DCDC1: variants seen among roughly 807,000 people sequenced by gnomAD.
DCDC1 encodes doublecortin domain containing 1, also known as doublecortin domain-containing protein 1.
Under a neutral mutation model 178.3 loss-of-function variants are expected in DCDC1, and 200 were observed. The ratio of observed to expected loss-of-function variants is 1.12; its 90% CI spans 1.00 to 1.26. The LOEUF (loss-of-function observed/expected upper bound fraction) is 1.26, where lower values mean the gene tolerates loss of function less well. Among genes scored for constraint, DCDC1 ranks in the 50% most tolerant of loss-of-function variants. The pLI, the probability that DCDC1 is intolerant of heterozygous loss-of-function variation, is 0.00. For synonymous variants in DCDC1, 690 were observed against 604.8 expected (o/e 1.14, Z -2.07); for missense variants, 1,983 against 1,749.2 (o/e 1.13, Z -2.38).
At chr11:30,998,252 A>G (rs992484365) in intron 20 of DCDC1, among the ~76,000 whole-genome samples, 3 of 152,162 alleles carry the variant, frequency 2.0e-5, no homozygotes, top group African/African-American at 7.2e-5. Context: ...TGATTGTGCC[A>G]CTGCACTCCA....
At chr11:30,924,197 A>G (rs779852046) in intron 23 of DCDC1, among the ~76,000 whole-genome samples, 4 of 152,186 alleles carry the variant, frequency 2.6e-5, no homozygotes, top group Non-Finnish European at 4.4e-5. Context: ...CCCACAGTGA[A>G]TAGCACAGCA....
chr11:30,887,973 A>G lies in DCDC1; in HGVS notation c.5082+4845T>C, dbSNP rs1406181539. Reference sequence around the variant, plus strand: ...AGCTGAGATCATGCCATTGCACTCCAGCCTGGGCAACAAGAGCAAAATTCC... The same window carrying G: ...AGCTGAGATCATGCCATTGCACTCCGGCCTGGGCAACAAGAGCAAAATTCC... On this transcript the variant is annotated intron_variant, in intron 36 of 38. Coordinates refer to ENST00000684477, the MANE Select transcript of DCDC1 (RefSeq NM_001387274.1). 2.0e-5 allele frequency among the ~76,000 whole-genome samples: 3 copies of G among 150,228 alleles called. No individual in the cohort carries two copies. The East Asian group carries it at 5.9e-4, about 29-fold the overall frequency.
At chr11:31,169,484 A>C (rs915615573) in intron 9 of DCDC1, among the ~76,000 whole-genome samples, 2 of 152,232 alleles carry the variant, frequency 1.3e-5, no homozygotes, top group Non-Finnish European at 2.9e-5. Flanking sequence ...ATGAACACTT[A>C]GTCAGAACAA....
chr11:31,117,831 T>C (rs1311591764), intron 11 of DCDC1, among the ~76,000 whole-genome samples: 1 of 152,122 alleles, frequency 6.6e-6, no homozygotes, highest in East Asian at 1.9e-4. Flanking sequence ...CTAAGCCAAG[T>C]AATTTCAAAA....
chr11:31,280,208 C>T (rs1946323189), intron 7 of DCDC1, among the ~76,000 whole-genome samples: 1 of 152,076 alleles, frequency 6.6e-6, no homozygotes, highest in Non-Finnish European at 1.5e-5. Flanking sequence ...ACGTTGCTAC[C>T]TTATTTATCT....
chr11:31,009,464 G>GTGTGTA (rs1565178619), intron 20 of DCDC1, among the ~76,000 whole-genome samples: 2 of 151,756 alleles, frequency 1.3e-5, no homozygotes, highest in African/African-American at 4.8e-5. Context: ...GTGTGTGTGT[G>GTGTGTA]TGTGTGTGTA....
intron 20 of DCDC1, among the ~76,000 whole-genome samples, chr11:30,999,073 C>A (rs2135007747): frequency 6.6e-6 from 1 of 152,216 alleles, no homozygotes; most frequent in Admixed American, 6.5e-5. Context: ...TAAAAAATAT[C>A]TGGCCACTAT....
At chr11:31,151,434 A>T (rs928715365) in intron 9 of DCDC1, among the ~76,000 whole-genome samples, 1 of 152,216 alleles carries the variant, frequency 6.6e-6, no homozygotes, top group African/African-American at 2.4e-5. Context: ...ATTTTGGAAG[A>T]TTATACAAAA....
At chr11:31,272,311 T>C (rs546181184) in intron 7 of DCDC1, among the ~76,000 whole-genome samples, 2 of 152,250 alleles carry the variant, frequency 1.3e-5, no homozygotes, top group East Asian at 1.9e-4. Flanking sequence ...GGTAGGGACA[T>C]AGCCAAACCA....
chr11:31,159,521 G>T (rs541685108), intron 9 of DCDC1, among the ~76,000 whole-genome samples: 16 of 152,126 alleles, frequency 1.1e-4, no homozygotes, highest in African/African-American at 3.4e-4. Flanking sequence ...TCTAATGCAT[G>T]GTCTGTATTT....
Position 31,161,002 on chromosome 11 carries a change from A to C in DCDC1, c.1222-23218T>G, listed in dbSNP as rs142319192. On this transcript the variant is annotated intron_variant, in intron 9 of 38. Coordinates refer to ENST00000684477, the MANE Select transcript of DCDC1 (RefSeq NM_001387274.1). ...TTGTTATGTTTGTACACAGTTTAGA[A>C]ATGATGAAATTCTATTAAAATTCAT... Among the ~76,000 whole-genome samples, 1,328 of 152,292 alleles carry C rather than the reference A, an allele frequency of 8.7e-3. 12 individuals carry two copies. The highest frequency in any genetic ancestry group is 0.011 in the Non-Finnish European group (769 of 68,012).
At chr11:31,211,392 C>T (rs1192040034) in intron 9 of DCDC1, among the ~76,000 whole-genome samples, 1 of 152,164 alleles carries the variant, frequency 6.6e-6, no homozygotes, top group Non-Finnish European at 1.5e-5. Flanking sequence ...CCTCAAAATG[C>T]GTGACTACTA....
intron 18 of DCDC1, among the ~76,000 whole-genome samples, chr11:31,072,207 A>G (rs748337967): frequency 1.2e-4 from 19 of 152,086 alleles, no homozygotes; most frequent in Admixed American, 3.3e-4. Flanking sequence ...GTGAGGCTGA[A>G]ATTTTTATTT....
At chr11:31,324,330 A>C (rs920510101) in intron 3 of DCDC1, among the ~76,000 whole-genome samples, 1 of 151,990 alleles carries the variant, frequency 6.6e-6, no homozygotes, top group African/African-American at 2.4e-5. Flanking sequence ...AAGGTTTTTT[A>C]CTTGTGTAAA....
intron 20 of DCDC1, among the ~76,000 whole-genome samples, chr11:31,032,756 G>A (rs1953739244): frequency 6.6e-6 from 1 of 152,122 alleles, no homozygotes; most frequent in Non-Finnish European, 1.5e-5. Flanking sequence ...GAAGTTGTGG[G>A]GACAGTTTTC....
At chr11:30,897,355 G>A (rs951207390) in intron 34 of DCDC1, among the ~76,000 whole-genome samples, 2 of 152,048 alleles carry the variant, frequency 1.3e-5, no homozygotes, top group South Asian at 2.1e-4. Flanking sequence ...TTGGGAGGCC[G>A]AGGCAGGCAG....
At chr11:31,121,921 T>C (rs1324572266) in intron 11 of DCDC1, among the ~76,000 whole-genome samples, 1 of 152,096 alleles carries the variant, frequency 6.6e-6, no homozygotes, top group Non-Finnish European at 1.5e-5. Context: ...CAGTTATAAA[T>C]GGAAAATATA....
At chr11:31,227,740 A>C (rs1485299382) in intron 9 of DCDC1, among the ~76,000 whole-genome samples, 2 of 152,116 alleles carry the variant, frequency 1.3e-5, no homozygotes, top group African/African-American at 4.8e-5. Flanking sequence ...GCAAGGCCCA[A>C]AATATTATTT....
chr11:30,890,829 G>T (rs1943709364), intron 36 of DCDC1, among the ~76,000 whole-genome samples: 2 of 151,990 alleles, frequency 1.3e-5, no homozygotes. Context: ...TTTCAAAAAG[G>T]TAGTTTTGAA....
Sources: gnomAD v4.1 joint callset for allele counts (sites outside exome capture counted in the v4.1 genomes callset) on GRCh38, gnomAD v4.1.1 for gene constraint, MANE v1.5 for transcripts, NCBI Gene and HGNC (gene_info 2026-07-23, HGNC 2026-07-21) for gene names.